Variants in RABGAP1 observed in about 807,000 individuals in gnomAD.
RABGAP1 encodes the protein rab GTPase-activating protein 1.
In RABGAP1, 23 loss-of-function variants were observed where a neutral mutation model predicts 137.6. The ratio of observed to expected loss-of-function variants is 0.17; its 90% confidence interval spans 0.12 to 0.24. RABGAP1 has a LOEUF of 0.24. RABGAP1 is among the 10% of genes least tolerant of loss of function. RABGAP1 has a pLI of 1.00. For missense variants in RABGAP1, 906 were observed against 1,275.8 expected, an observed-to-expected ratio of 0.71 and a Z score of 4.42; for synonymous variants, 451 against 450.7, an observed-to-expected ratio of 1.00 and a Z score of -0.01.
At chr9:122,943,212 C>A (rs918255342) in intron 1 of RABGAP1, among the ~76,000 whole-genome samples, 3 of 151,204 alleles carry the variant, frequency 2.0e-5, no homozygotes, top group Non-Finnish European at 4.4e-5. Context: ...GGATTACAGG[C>A]GTGTGCCACC....
chr9:123,013,891 A>G (rs955680600), intron 11 of RABGAP1, among the ~76,000 whole-genome samples: 6 of 152,198 alleles, frequency 3.9e-5, no homozygotes, highest in African/African-American at 1.4e-4. Context: ...AAGTTAAGCT[A>G]AAAAATAAAA....
chr9:122,984,453 C>T (rs778800918), intron 2 of RABGAP1, 32 bp from the exon 3 acceptor site: 1 of 1,578,384 alleles, frequency 6.3e-7, no homozygotes, highest in Admixed American at 1.8e-5. Context: ...ATCTTTGTCA[C>T]TTTGCTGATT....
the RABGAP1 span, among the ~76,000 whole-genome samples, chr9:122,931,828 C>A: frequency 6.6e-6 from 1 of 152,256 alleles, no homozygotes; most frequent in South Asian, 2.1e-4. Flanking sequence ...TGGGCCTAGA[C>A]GGTCCGCTGC....
intron 1 of RABGAP1, among the ~76,000 whole-genome samples, chr9:122,951,721 C>T (rs1485071027): frequency 6.6e-6 from 1 of 152,076 alleles, no homozygotes; most frequent in Non-Finnish European, 1.5e-5. Flanking sequence ...AGGCACACAC[C>T]ACCACACTTG....
chr9:123,044,798 G>C (rs1162726356), intron 13 of RABGAP1, among the ~76,000 whole-genome samples: 1 of 152,176 alleles, frequency 6.6e-6, no homozygotes, highest in Non-Finnish European at 1.5e-5. Context: ...AGAAGGCAGT[G>C]TGAGAGATGG....
At chr9:122,946,826 CAG>C (rs767768688) in intron 1 of RABGAP1, among the ~76,000 whole-genome samples, 60 of 152,244 alleles carry the variant, frequency 3.9e-4, no homozygotes, top group Admixed American at 1.2e-3. Flanking sequence ...TCATAATTAA[CAG>C]AGTTAAATGA....
chr9:122,935,560 C>T, the RABGAP1 span, among the ~76,000 whole-genome samples: 2 of 152,136 alleles, frequency 1.3e-5, no homozygotes, highest in African/African-American at 2.4e-5. Flanking sequence ...AGGCTGGTCT[C>T]AAACTTCTGA....
chr9:123,071,672 G>T (rs1005560305), intron 15 of RABGAP1, among the ~76,000 whole-genome samples: 1 of 152,220 alleles, frequency 6.6e-6, no homozygotes, highest in Non-Finnish European at 1.5e-5. Context: ...TAGATTAAAG[G>T]CTTCTCAGGG....
intron 2 of RABGAP1, among the ~76,000 whole-genome samples, chr9:122,969,076 C>T (rs939749474): frequency 1.3e-5 from 2 of 152,210 alleles, no homozygotes; most frequent in African/African-American, 2.4e-5. Context: ...CCACAACCAA[C>T]TGCATGTATG....
At chr9:123,078,817 C>T (rs1006072037) in intron 19 of RABGAP1, among the ~76,000 whole-genome samples, 9 of 152,130 alleles carry the variant, frequency 5.9e-5, no homozygotes, top group African/African-American at 1.7e-4. Flanking sequence ...CTCTGATCAC[C>T]GCCACCTTCA....
intron 6 of RABGAP1, among the ~76,000 whole-genome samples, chr9:122,993,193 T>C (rs1033275667): frequency 4.6e-5 from 7 of 152,188 alleles, no homozygotes. Flanking sequence ...GTGGTTTTAC[T>C]TTAACATAAA....
At chr9:122,998,863 T>C (rs548996043) in intron 10 of RABGAP1, 97 bp downstream of exon 10, 9 of 718,144 alleles carry the variant, frequency 1.3e-5, no homozygotes, top group Admixed American at 3.3e-5. Context: ...AACAGTCATG[T>C]GTATTTTAAA....
At chr9:123,076,152 A>G (rs1467005276) in intron 17 of RABGAP1, 93 bp from the exon 18 acceptor site, 13 of 1,331,838 alleles carry the variant, frequency 9.8e-6, no homozygotes, top group Non-Finnish European at 1.3e-5. Flanking sequence ...TTAAGTTTTC[A>G]CAATTTCTTT....
chr9:123,042,992 A>G (rs1395772826), intron 13 of RABGAP1, among the ~76,000 whole-genome samples: 1 of 152,180 alleles, frequency 6.6e-6, no homozygotes, highest in Non-Finnish European at 1.5e-5. Context: ...TTTTTGCCAC[A>G]ATAAAGCTAG....
intron 1 of RABGAP1, among the ~76,000 whole-genome samples, chr9:122,953,952 C>T (rs1215390790): frequency 6.6e-6 from 1 of 152,206 alleles, no homozygotes; most frequent in Non-Finnish European, 1.5e-5. Context: ...AGCCTGCCCT[C>T]ATGAACCTTA....
rs146414145 is a variant in RABGAP1, at chr9:123,077,566, A to G, written c.2424+804A>G. Among the ~76,000 whole-genome samples, 40 of 152,228 alleles carry G rather than the reference A, an allele frequency of 2.6e-4. No individual in the cohort carries two copies. In the East Asian group the frequency reaches 7.3e-3, roughly 28 times the overall value. On this transcript the variant is annotated intron_variant, in intron 19 of 25. Coordinates refer to ENST00000373647, the MANE Select transcript of RABGAP1 (RefSeq NM_012197.4). ...ATTTGTGATTCGCACAATTTTTTTA[A>G]AAGTAAAAAGGTATAGGATCTTCTT...
In RABGAP1 at chr9:123,070,087, C is replaced by T. The variant is rs980045875; in HGVS notation, c.1909-263C>T. Among the ~76,000 whole-genome samples, 2 of 152,108 alleles carry T rather than the reference C, an allele frequency of 1.3e-5. No homozygotes were observed. Among genetic ancestry groups the T allele is most frequent in the African/African-American group, 2.4e-5 (1 of 41,406 alleles). On this transcript the variant is annotated intron_variant, in intron 14 of 25. Transcript: ENST00000373647. The surrounding 1 kb of genome is among the most constrained non-coding windows in gnomAD (Gnocchi z 4.4). ...CATCATGAACAACAACAAGGAAATA[C>T]GAAGTTTTTTTTAGCGCAGAAGTGG...
rs183667713 is a variant in RABGAP1 at position 123,048,015 on chromosome 9, T to G, written c.1795-17333T>G. Among the ~76,000 whole-genome samples, 744 of 128,936 alleles carry G rather than the reference T, an allele frequency of 5.8e-3. 5 individuals carry two copies. The highest frequency in any genetic ancestry group is 8.9e-3 in the Admixed American group (92 of 10,360). The allele number at this position is 128,936 out of a possible 152,430, so 84.6% of individuals were successfully genotyped here. A position where few individuals can be genotyped will look rare whatever the true frequency, so the allele number is the denominator to read the frequency against. On this transcript the variant is annotated intron_variant, in intron 13 of 25. Transcript: ENST00000373647. The stretch of plus-strand genomic sequence containing the variant: ...GTGCAATGGCGCGATCTCGGCCCAC[T>G]GCGAACCTCCGCCTCCCAGGTTCAA...
At chr9:123,079,572 G>T (rs151019354) in intron 19 of RABGAP1, among the ~76,000 whole-genome samples, 1 of 152,080 alleles carries the variant, frequency 6.6e-6, no homozygotes, top group South Asian at 2.1e-4. Flanking sequence ...TTGTTGTGAT[G>T]TGAACGGTTT....
Sources: gnomAD v4.1 joint callset for allele counts (sites outside exome capture counted in the v4.1 genomes callset) on GRCh38, gnomAD v4.1.1 for gene constraint, Gnocchi (gnomAD v3.1) non-coding constraint, MANE v1.5 for transcripts, NCBI Gene and HGNC (gene_info 2026-07-23, HGNC 2026-07-21) for gene names.